The following RBFOX1 variants were observed in gnomAD, a reference collection of about 807,000 sequenced individuals.
The protein encoded by RBFOX1 is RNA binding fox-1 homolog 1.
In RBFOX1, 8 loss-of-function variants were observed where a neutral mutation model predicts 57.7. The observed-to-expected ratio is 0.14, with a 90% CI of 0.08 to 0.25. The LOEUF (loss-of-function observed/expected upper bound fraction) is 0.25, where lower values mean the gene tolerates loss of function less well. Ranked by LOEUF, RBFOX1 falls within the 10% of genes least tolerant of loss-of-function variation. RBFOX1 has a pLI of 1.00. For synonymous variants in RBFOX1, 326 were observed against 222.4 expected (o/e 1.47, Z -4.15); for missense variants, 611 against 548.5 (o/e 1.11, Z -1.14).
At chr16:5,810,233 A>T (rs1005302115) in intron 3 of RBFOX1, among the ~76,000 whole-genome samples, 4 of 152,000 alleles carry the variant, frequency 2.6e-5, no homozygotes, top group Admixed American at 6.6e-5. Flanking sequence ...CTAAATGCTG[A>T]GTTAATGGGT....
intron 3 of RBFOX1, among the ~76,000 whole-genome samples, chr16:6,663,859 A>T (rs57786931): frequency 0.082 from 12,550 of 152,262 alleles, 600 homozygotes; most frequent in East Asian, 0.18. Flanking sequence ...CTGGAGGTTG[A>T]GCATGGCATG....
intron 3 of RBFOX1, among the ~76,000 whole-genome samples, chr16:5,622,325 T>C (rs984463227): frequency 6.6e-6 from 1 of 152,238 alleles, no homozygotes; most frequent in African/African-American, 2.4e-5. Flanking sequence ...TAATTATGCA[T>C]AATTAATTAG....
intron 1 of RBFOX1, among the ~76,000 whole-genome samples, chr16:6,197,436 G>A (rs1239069957): frequency 6.6e-6 from 1 of 151,958 alleles, no homozygotes. Context: ...ACCCATGTTG[G>A]GGACCTGCAA....
At chr16:7,392,984 CT>C (rs2098066481) in intron 4 of RBFOX1, among the ~76,000 whole-genome samples, 1 of 152,098 alleles carries the variant, frequency 6.6e-6, no homozygotes, top group South Asian at 2.1e-4. Flanking sequence ...AGTGATTTTC[CT>C]GCTTCAGCCT....
chr16:7,029,349 G>C (rs112064011), intron 3 of RBFOX1, among the ~76,000 whole-genome samples: 1,752 of 149,592 alleles, frequency 0.012, 50 homozygotes, highest in African/African-American at 0.04. Context: ...AGATTGGAAA[G>C]CTCTTTGGCC....
chr16:6,858,905 G>C (rs1462983488), intron 3 of RBFOX1, among the ~76,000 whole-genome samples: 1 of 151,592 alleles, frequency 6.6e-6, no homozygotes, highest in African/African-American at 2.4e-5. Flanking sequence ...GTATCATGTG[G>C]TCAGTAAGTT....
intron 4 of RBFOX1, among the ~76,000 whole-genome samples, chr16:7,189,807 C>G (rs1283947068): frequency 6.6e-6 from 1 of 152,234 alleles, no homozygotes; most frequent in Non-Finnish European, 1.5e-5. Flanking sequence ...AGTTTTCTTT[C>G]TTTCCTCCAG....
intron 4 of RBFOX1, among the ~76,000 whole-genome samples, chr16:5,940,971 TTCTGAG>T (rs2059266596): frequency 6.6e-6 from 1 of 152,182 alleles, no homozygotes; most frequent in East Asian, 1.9e-4. Flanking sequence ...TTGAATGACC[TTCTGAG>T]TCTGTTTCCT....
At chr16:7,184,881 T>G (rs547840379) in intron 4 of RBFOX1, among the ~76,000 whole-genome samples, 24 of 152,288 alleles carry the variant, frequency 1.6e-4, no homozygotes, top group African/African-American at 5.8e-4. Context: ...ATTAATAATG[T>G]TTACACATGG....
chr16:7,189,803 C>G (rs375756252), intron 4 of RBFOX1, among the ~76,000 whole-genome samples: 1 of 152,220 alleles, frequency 6.6e-6, no homozygotes, highest in Non-Finnish European at 1.5e-5. Flanking sequence ...AGTAAGTTTT[C>G]TTTCTTTCCT....
intron 1 of RBFOX1, among the ~76,000 whole-genome samples, chr16:5,339,665 G>C (rs916642540): frequency 1.3e-5 from 2 of 151,638 alleles, no homozygotes; most frequent in African/African-American, 4.8e-5. Context: ...TTTTAGTAGA[G>C]ATGGAGTTTC....
intron 3 of RBFOX1, among the ~76,000 whole-genome samples, chr16:6,896,861 A>T (rs1254964367): frequency 6.6e-6 from 1 of 152,192 alleles, no homozygotes; most frequent in African/African-American, 2.4e-5. Context: ...AAATCAGTGG[A>T]AGAGTGGTGA....
intron 3 of RBFOX1, among the ~76,000 whole-genome samples, chr16:6,883,800 T>C (rs1240118701): frequency 6.6e-6 from 1 of 152,172 alleles, no homozygotes; most frequent in Non-Finnish European, 1.5e-5. Context: ...AGAGGTTTTT[T>C]TTTTTCTTTT....
At chr16:6,815,449 C>A (rs1022194843) in intron 3 of RBFOX1, among the ~76,000 whole-genome samples, 1 of 152,152 alleles carries the variant, frequency 6.6e-6, no homozygotes, top group Non-Finnish European at 1.5e-5. Context: ...GGTTCAAACA[C>A]CTCTGACATT....
At chr16:5,528,218 G>C (rs570497135) in intron 2 of RBFOX1, among the ~76,000 whole-genome samples, 1 of 152,150 alleles carries the variant, frequency 6.6e-6, no homozygotes, top group African/African-American at 2.4e-5. Flanking sequence ...ATGATCCACA[G>C]AGGCATTCCT....
chr16:7,668,611 AGGG>A (rs1426409175), intron 13 of RBFOX1, among the ~76,000 whole-genome samples: 3 of 152,002 alleles, frequency 2.0e-5, no homozygotes, highest in Non-Finnish European at 4.4e-5. Flanking sequence ...CTGAGAATGG[AGGG>A]TAGGAATGAT....
chr16:6,410,920 T>G (rs929068151), intron 2 of RBFOX1, among the ~76,000 whole-genome samples: 4 of 152,156 alleles, frequency 2.6e-5, no homozygotes. Flanking sequence ...AACATATTAC[T>G]CAGCATTTGT....
At chr16:7,000,586 C>CTCTTTT (rs1555741880) in intron 3 of RBFOX1, among the ~76,000 whole-genome samples, 1 of 95,846 alleles carries the variant, frequency 1.0e-5, no homozygotes, top group African/African-American at 3.4e-5. Flanking sequence ...TTTTTTCTTT[C>CTCTTTT]TTTTTCTTTC....
At chr16:6,359,325 C>G (rs1258076572) in intron 2 of RBFOX1, among the ~76,000 whole-genome samples, 1 of 152,110 alleles carries the variant, frequency 6.6e-6, no homozygotes. Flanking sequence ...AACTCCTGAC[C>G]TCAAGTGATC....
Sources: gnomAD v4.1 joint callset for allele counts (sites outside exome capture counted in the v4.1 genomes callset) on GRCh38, gnomAD v4.1.1 for gene constraint, MANE v1.5 for transcripts, NCBI Gene and HGNC (gene_info 2026-07-23, HGNC 2026-07-21) for gene names.